The following ZFYVE26 variants were observed in gnomAD, a reference collection of about 807,000 sequenced individuals.
The protein encoded by ZFYVE26 is zinc finger FYVE-type containing 26, also known as zinc finger FYVE domain-containing protein 26.
Under a neutral mutation model 276.5 loss-of-function variants are expected in ZFYVE26, and 181 were observed. That is an observed-to-expected ratio of 0.65 (90% confidence interval 0.58 to 0.74). ZFYVE26 has a LOEUF of 0.74. Ranked by LOEUF, ZFYVE26 falls within the 30% of genes least tolerant of loss-of-function variation. The pLI, the probability that ZFYVE26 is intolerant of heterozygous loss-of-function variation, is 0.00. For missense variants in ZFYVE26, 2,821 were observed against 3,097.9 expected (o/e 0.91, Z 2.12); for synonymous variants, 1,129 against 1,203.1 (o/e 0.94, Z 1.27).
Position 67,775,989 on chromosome 14 carries a change from C to A in ZFYVE26, c.5092G>T (p.Val1698Leu), listed in dbSNP as rs201116085. ...ACCAGCAGCTGCTGGAGAGTCTGCA[C>A]AGCCACAGTGGCCCAATCCACCTTC... ...NMKVDWATVA[V>L]QTLQQLLVGQ... The change falls in exon 26 of 42, where the codon GTG becomes TTG. Residue 1698 changes from valine to leucine, a missense_variant. Physicochemically the swap from Val to Leu is conservative, Grantham distance 32. Coordinates refer to ENST00000347230, the MANE Select transcript of ZFYVE26 (RefSeq NM_015346.4). The A allele has an allele frequency of 3.1e-6, 5 of 1,614,214 alleles. No homozygotes were observed. The highest frequency in any genetic ancestry group is 4.2e-6 in the Non-Finnish European group (5 of 1,180,034).
chr14:67,815,306 G>A (rs1180583929), intron 2 of ZFYVE26, among the ~76,000 whole-genome samples: 1 of 152,172 alleles, frequency 6.6e-6, no homozygotes, highest in Admixed American at 6.6e-5. Context: ...TGTATGAGAC[G>A]TCGCAATTGG....
At chr14:67,757,640 G>GTCTGTCTTTCTTTCTTTCTT (rs1477663222) in intron 35 of ZFYVE26, among the ~76,000 whole-genome samples, 11 of 148,898 alleles carry the variant, frequency 7.4e-5, no homozygotes, top group South Asian at 2.2e-4. Context: ...AGATATTTTT[G>GTCTGTCTTTCTTTCTTTCTT]TCTTTCTTTC....
intron 32 of ZFYVE26, 106 bp from the exon 33 acceptor site, chr14:67,762,925 C>G: frequency 6.7e-7 from 1 of 1,495,182 alleles, no homozygotes. Context: ...TGTTTTGAAA[C>G]AGAGTCTCGT....
intron 13 of ZFYVE26, among the ~76,000 whole-genome samples, chr14:67,734,991 T>C (rs1289298144): frequency 6.6e-6 from 1 of 152,224 alleles, no homozygotes; most frequent in Non-Finnish European, 1.5e-5. Flanking sequence ...GTTAAATATC[T>C]GGCTAGAGAA....
In ZFYVE26 at chr14:67,799,501, G is replaced by T. The variant is rs191904819; in HGVS notation, c.1640-879C>A. The T allele has an allele frequency of 1.0e-4, 160 of 1,604,132 alleles. No homozygotes were observed. The Middle Eastern group carries it at 1.1e-3, about 11-fold the overall frequency. On this transcript the variant is annotated intron_variant, in intron 10 of 41. Coordinates refer to ENST00000347230, the MANE Select transcript of ZFYVE26 (RefSeq NM_015346.4). ...AGGCAGCCATTCAGAGCAGACAAAA[G>T]GATCGGCAAAAGGAAATGGACAGTT...
At chr14:67,743,272 G>A (rs113278731), downstream of ZFYVE26, among the ~76,000 whole-genome samples, 2,424 of 152,136 alleles carry the variant, frequency 0.016, 70 homozygotes, top group African/African-American at 0.051. Flanking sequence ...CCGATTGCTT[G>A]AGCTCAGGAG....
chr14:67,754,215 G>T lies in ZFYVE26; in HGVS notation c.6987-3C>A, dbSNP rs76728509. ...GCAGCTGAAGTGTGTTCATGTGCCT[G>T]TGGTGACAGAATATGCACAGTCCAG... On this transcript the variant is annotated splice_region_variant and splice_polypyrimidine_tract_variant and intron_variant, in intron 37 of 41. Transcript: ENST00000347230. 6.2e-7 allele frequency: 1 copy of T among 1,614,170 alleles called. No individual in the cohort carries two copies. The highest frequency in any genetic ancestry group is 8.5e-7 in the Non-Finnish European group (1 of 1,180,032).
Position 67,762,749 on chromosome 14 carries a change from G to C in ZFYVE26, c.6082C>G (p.Gln2028Glu). Residue 2028 changes from glutamine to glutamate, a missense_variant, in exon 33 of 42, where the codon CAG (glutamine) becomes GAG (glutamate). Transcript: ENST00000347230. ...GTTACTGCAGCTGGCTGCAAGATCT[G>C]ATCCAAAGATGGCACGTGGCGATAG... is the stretch of plus-strand genomic sequence containing the variant. ...AAYRHVPSLD[Q>E]ILQPAAVTRL... is the part of the protein sequence containing the mutation. 1 of 1,614,182 alleles carries C rather than the reference G, an allele frequency of 6.2e-7. No individual in the cohort carries two copies. The highest frequency in any genetic ancestry group is 8.5e-7 in the Non-Finnish European group (1 of 1,180,048).
At position 67,755,228 on chromosome 14, in the gene ZFYVE26, G is replaced by A; in HGVS notation, c.6809C>T (p.Thr2270Ile). 1 of 1,614,160 alleles carries A rather than the reference G, an allele frequency of 6.2e-7. No individual in the cohort carries two copies. Among genetic ancestry groups the A allele is most frequent in the South Asian group, 1.1e-5 (1 of 91,076 alleles). ...TTTGTGACTGAAGAACCGAATACAG[G>A]TCATGGCGGCCCGAACTTGGTCCTA... Reference protein sequence around the residue: ...FMKDQVRAAMTCIRFFSHKAK... With the variant: ...FMKDQVRAAMICIRFFSHKAK... The change falls in exon 37 of 42, where the codon ACC becomes ATC. Residue 2270 changes from threonine (T) to isoleucine (I), a missense_variant. By Grantham distance (89) the Thr-to-Ile change is moderately conservative (BLOSUM62 -1). Transcript: ENST00000347230.
chr14:67,737,222 C>T (rs768867679), intron 13 of ZFYVE26, among the ~76,000 whole-genome samples: 9 of 151,528 alleles, frequency 5.9e-5, no homozygotes, highest in Non-Finnish European at 1.2e-4. Context: ...AGCCACTATG[C>T]CTAGCTGTAT....
chr14:67,802,268 G>C lies in ZFYVE26; in HGVS notation c.1450C>G (p.Pro484Ala). 1 of 1,614,164 alleles carries C rather than the reference G, an allele frequency of 6.2e-7. No homozygotes were observed. Among genetic ancestry groups the C allele is most frequent in the Non-Finnish European group, 8.5e-7 (1 of 1,180,026 alleles). ...PQQEPDAVDA[P>A]VPEHLSQCQN... ...CACTGGCTCAGGTGCTCAGGGACTG[G>C]AGCATCAACTGCATCTGAATTACAA... The change falls in exon 10 of 42, where the codon CCA (proline) becomes GCA (alanine). Residue 484 changes from proline (P) to alanine (A), a missense_variant. Coordinates refer to ENST00000347230, the MANE Select transcript of ZFYVE26 (RefSeq NM_015346.4).
At chr14:67,798,755 A>G in intron 10 of ZFYVE26, 133 bp from the exon 11 acceptor site, 1 of 1,173,838 alleles carries the variant, frequency 8.5e-7, no homozygotes, top group Non-Finnish European at 1.2e-6. Flanking sequence ...TTATAAGGGA[A>G]CTGAGGTTAC....
intron 27 of ZFYVE26, among the ~76,000 whole-genome samples, chr14:67,774,328 A>G (rs915082860): frequency 1.3e-5 from 2 of 152,102 alleles, no homozygotes; most frequent in Non-Finnish European, 1.5e-5. Flanking sequence ...GTGAAACCCC[A>G]TCTCTACTAA....
At chr14:67,808,774 C>G (rs754335228) in intron 4 of ZFYVE26, among the ~76,000 whole-genome samples, 1 of 151,818 alleles carries the variant, frequency 6.6e-6, no homozygotes, top group East Asian at 1.9e-4. Flanking sequence ...AAGTATTGGG[C>G]CTCAGAGCAT....
At chr14:67,797,640 C>G (rs568874299) in intron 12 of ZFYVE26, 32 bp downstream of exon 12, 1 of 1,608,764 alleles carries the variant, frequency 6.2e-7, no homozygotes, top group South Asian at 1.1e-5. Context: ...ACACCACTTG[C>G]CTAGTGCATG....
Position 67,806,578 on chromosome 14 carries a change from C to T in ZFYVE26, c.984G>A (p.Leu328=). 1 of 1,614,208 alleles carries T rather than the reference C, an allele frequency of 6.2e-7. No homozygotes were observed. The highest frequency in any genetic ancestry group is 8.5e-7 in the Non-Finnish European group (1 of 1,180,032). ...GCTCGAGGAAGTGTTTGTTGTTGCT[C>T]AGGCAGTAGAAATAGGCCACTTTCC... ...EAWKVAYFYC[L]SNNKHFLEQI... Residue 328 remains leucine, a synonymous_variant, in exon 6 of 42, where the codon CTG becomes CTA. Transcript: ENST00000347230.
chr14:67,748,816 A>G (rs1026051694), intron 41 of ZFYVE26, among the ~76,000 whole-genome samples, 177 bp from the exon 42 acceptor site: 1 of 152,218 alleles, frequency 6.6e-6, no homozygotes. Flanking sequence ...GACATATGCT[A>G]TAACACTGTG....
Position 67,748,310 on chromosome 14 carries a change from A to T in ZFYVE26, c.*126T>A. The T allele has an allele frequency of 9.0e-7, 1 of 1,112,192 alleles. No individual in the cohort carries two copies. Among genetic ancestry groups the T allele is most frequent in the Admixed American group, 2.2e-5 (1 of 45,086 alleles). 68.9% of individuals were successfully genotyped at this position (1,112,192 alleles called of 1,614,324 possible). On this transcript the variant is annotated 3_prime_UTR_variant, in exon 42 of 42. Transcript: ENST00000347230. ...CGGGAAGGCAAGTAGGGTCCAATCC[A>T]ACTCTTTCCAACCTAGGGCAGAGCC...
At position 67,798,701 on chromosome 14, in the gene ZFYVE26, C is replaced by T. The variant is rs887443781; in HGVS notation, c.1640-79G>A. On this transcript the variant is annotated intron_variant, in intron 10 of 41. Coordinates refer to ENST00000347230, the MANE Select transcript of ZFYVE26 (RefSeq NM_015346.4). ...AAACATTAGAAACATTACCTCCCAG[C>T]GTCAAACATTCTCGCAACTTTAGCT... 6 of 1,578,446 alleles carry T rather than the reference C, an allele frequency of 3.8e-6. No homozygotes were observed. The African/African-American group carries it at 4.0e-5, about 11-fold the overall frequency.
Sources: gnomAD v4.1 joint callset for allele counts (sites outside exome capture counted in the v4.1 genomes callset) on GRCh38, gnomAD v4.1.1 for gene constraint, MANE v1.5 for transcripts, NCBI Gene and HGNC (gene_info 2026-07-23, HGNC 2026-07-21) for gene names.